The following TBC1D4 variants were observed in gnomAD, a reference collection of about 807,000 sequenced individuals.
The protein encoded by TBC1D4 is TBC (Tre-2, BUB2, CDC16) domain-containing protein.
Under a neutral mutation model 142.5 loss-of-function variants are expected in TBC1D4, and 121 were observed. The observed-to-expected ratio is 0.85, with a 90% confidence interval of 0.73 to 0.99. The LOEUF (loss-of-function observed/expected upper bound fraction) is 0.99. Among genes scored for constraint, TBC1D4 ranks in the 50% least tolerant of loss-of-function variants. TBC1D4 has a pLI of 0.00. For missense variants in TBC1D4, 1,475 were observed against 1,606.6 expected, an observed-to-expected ratio of 0.92 and a Z score of 1.40; for synonymous variants, 630 against 628.2, an observed-to-expected ratio of 1.00 and a Z score of -0.04.
chr13:75,420,187 A>G (rs1886102880), intron 1 of TBC1D4, among the ~76,000 whole-genome samples: 1 of 152,156 alleles, frequency 6.6e-6, no homozygotes. Context: ...ATCTTCCAGA[A>G]GGGGTGGGGG....
intron 1 of TBC1D4, among the ~76,000 whole-genome samples, chr13:75,425,377 A>G (rs1886336475): frequency 6.6e-6 from 1 of 152,202 alleles, no homozygotes; most frequent in Non-Finnish European, 1.5e-5. Flanking sequence ...ACTATTGGCC[A>G]GGATGTAAAT....
At chr13:75,459,048 T>C (rs972909824) in intron 1 of TBC1D4, among the ~76,000 whole-genome samples, 2 of 152,126 alleles carry the variant, frequency 1.3e-5, no homozygotes, top group Admixed American at 6.5e-5. Flanking sequence ...CAATTCCCCA[T>C]TCTCCCCCTT....
intron 1 of TBC1D4, among the ~76,000 whole-genome samples, chr13:75,424,175 A>G (rs1281759161): frequency 6.6e-6 from 1 of 151,554 alleles, no homozygotes. Flanking sequence ...CAGGAGGCTG[A>G]GGCAGGAAGA....
chr13:75,443,259 A>G (rs1195970540), intron 1 of TBC1D4, among the ~76,000 whole-genome samples: 1 of 152,262 alleles, frequency 6.6e-6, no homozygotes, highest in East Asian at 1.9e-4. Context: ...GAGTTTCTAA[A>G]GGAACATAAA....
intron 15 of TBC1D4, among the ~76,000 whole-genome samples, chr13:75,305,181 T>C (rs9318332): frequency 0.33 from 50,500 of 152,068 alleles, 9,583 homozygotes; most frequent in Non-Finnish European, 0.43. Flanking sequence ...GAGACACACC[T>C]TTCACCTTCC....
chr13:75,455,137 G>T (rs550258212), intron 1 of TBC1D4, among the ~76,000 whole-genome samples: 6 of 152,058 alleles, frequency 3.9e-5, no homozygotes, highest in Non-Finnish European at 8.8e-5. Context: ...ACAGCTCAAT[G>T]AGAACTGGAG....
intron 5 of TBC1D4, among the ~76,000 whole-genome samples, chr13:75,346,430 G>A (rs958437703): frequency 6.6e-6 from 1 of 152,164 alleles, no homozygotes; most frequent in Admixed American, 6.5e-5. Flanking sequence ...AGTTTGCTGA[G>A]AGTGATGGTT....
chr13:75,385,328 C>A (rs564579861), intron 1 of TBC1D4, among the ~76,000 whole-genome samples: 1 of 152,144 alleles, frequency 6.6e-6, no homozygotes, highest in African/African-American at 2.4e-5. Context: ...ATGGCTCCCA[C>A]GCAAAACGTT....
chr13:75,440,399 G>A (rs1169938155), intron 1 of TBC1D4, among the ~76,000 whole-genome samples: 2 of 151,922 alleles, frequency 1.3e-5, no homozygotes, highest in Non-Finnish European at 2.9e-5. Flanking sequence ...GTTTTAAGCA[G>A]TGAAGTAATT....
chr13:75,465,634 G>T (rs577474499), intron 1 of TBC1D4, among the ~76,000 whole-genome samples: 1 of 152,022 alleles, frequency 6.6e-6, no homozygotes, highest in Non-Finnish European at 1.5e-5. Context: ...CTCAGCAAAG[G>T]GCATTCCAAA....
chr13:75,302,338 T>C lies in TBC1D4; in HGVS notation c.2816A>G (p.His939Arg). Reference protein sequence around the residue: ...QFLALQYRLRHRLPNKQQPPD... With the variant: ...QFLALQYRLRRRLPNKQQPPD... ...AGGCTGTTGTTTATTAGGCAATCTG[T>C]GTCTGAGTCGGTACTGTAAAGCCAG... Residue 939 changes from histidine to arginine, a missense_variant, in exon 16 of 21, where the codon CAC becomes CGC. Around this residue, in one of 2 missense-constraint regions of TBC1D4, gnomAD observed 1,227 missense variants for 1,267.7 expected, o/e 0.97. Coordinates refer to ENST00000377636, the MANE Select transcript of TBC1D4 (RefSeq NM_014832.5). 6.2e-7 allele frequency: 1 copy of C among 1,614,238 alleles called. No homozygotes were observed.
intron 8 of TBC1D4, among the ~76,000 whole-genome samples, chr13:75,331,656 T>G (rs1206001493): frequency 6.6e-6 from 1 of 152,160 alleles, no homozygotes; most frequent in Non-Finnish European, 1.5e-5. Flanking sequence ...AATTCATGTG[T>G]CAGGCCCTTT....
At chr13:75,451,964 G>T (rs946760418) in intron 1 of TBC1D4, among the ~76,000 whole-genome samples, 3 of 151,804 alleles carry the variant, frequency 2.0e-5, no homozygotes, top group African/African-American at 7.3e-5. Flanking sequence ...TATATTTTTT[G>T]ATGACATCTG....
intron 1 of TBC1D4, among the ~76,000 whole-genome samples, chr13:75,451,897 C>A (rs1339316036): frequency 6.6e-6 from 1 of 151,646 alleles, no homozygotes; most frequent in Non-Finnish European, 1.5e-5. Flanking sequence ...TTGGCTGTTT[C>A]CTGTGAAGCA....
intron 1 of TBC1D4, among the ~76,000 whole-genome samples, chr13:75,379,261 T>TGC (rs1566443289): frequency 6.6e-6 from 1 of 150,950 alleles, no homozygotes; most frequent in Non-Finnish European, 1.5e-5. Context: ...CATACACACA[T>TGC]GCACACACAC....
intron 1 of TBC1D4, among the ~76,000 whole-genome samples, chr13:75,376,214 C>A (rs11842601): frequency 0.033 from 4,956 of 152,066 alleles, 292 homozygotes; most frequent in African/African-American, 0.11. Flanking sequence ...AACAAAAAAA[C>A]CAGAAATCTT....
At chr13:75,473,438 G>A (rs1353289432) in intron 1 of TBC1D4, among the ~76,000 whole-genome samples, 2 of 152,206 alleles carry the variant, frequency 1.3e-5, no homozygotes, top group African/African-American at 4.8e-5. Context: ...CTTAGAATCT[G>A]AGACTGATAG....
intron 8 of TBC1D4, among the ~76,000 whole-genome samples, chr13:75,329,317 C>G (rs1879547853): frequency 6.6e-6 from 1 of 152,012 alleles, no homozygotes; most frequent in African/African-American, 2.4e-5. Flanking sequence ...CTTCAGCAAA[C>G]ACGAATATAT....
At chr13:75,473,562 A>C (rs1888504933) in intron 1 of TBC1D4, among the ~76,000 whole-genome samples, 1 of 152,252 alleles carries the variant, frequency 6.6e-6, no homozygotes, top group Non-Finnish European at 1.5e-5. Context: ...AAGACTATTC[A>C]ACTGGTTAAG....
Sources: allele counts gnomAD v4.1 joint callset (sites outside exome capture counted in the v4.1 genomes callset), GRCh38; gene constraint gnomAD v4.1.1; regional missense constraint gnomAD v4.1.1; transcripts MANE v1.5; gene names NCBI Gene and HGNC (gene_info 2026-07-23, HGNC 2026-07-21).